The following BICDL1 variants were observed in gnomAD, a reference collection of about 807,000 sequenced individuals.
BICDL1 encodes the protein BICD family like cargo adaptor 1.
A neutral mutation model predicts 76.8 loss-of-function variants in BICDL1; 20 were observed. That is an observed-to-expected ratio of 0.26 (90% CI 0.18 to 0.38). The LOEUF is 0.38. Among genes scored for constraint, BICDL1 ranks in the 10% least tolerant of loss-of-function variants. BICDL1 has a pLI of 1.00. For synonymous variants in BICDL1, 383 were observed against 337.1 expected, an observed-to-expected ratio of 1.14 and a Z score of -1.49; for missense variants, 700 against 798.6, an observed-to-expected ratio of 0.88 and a Z score of 1.49.
intron 2 of BICDL1, among the ~76,000 whole-genome samples, chr12:120,048,987 G>A (rs1952802181): frequency 6.6e-6 from 1 of 152,034 alleles, no homozygotes; most frequent in Non-Finnish European, 1.5e-5. Flanking sequence ...GGCATTTCTT[G>A]GCCAGGTACT....
intron 2 of BICDL1, among the ~76,000 whole-genome samples, chr12:120,002,743 A>G (rs1471753990): frequency 6.6e-6 from 1 of 152,228 alleles, no homozygotes; most frequent in East Asian, 1.9e-4. Context: ...TTATGAAGCT[A>G]GTAGGAGAAG....
At chr12:120,041,744 C>G (rs910714547) in intron 2 of BICDL1, among the ~76,000 whole-genome samples, 7 of 151,992 alleles carry the variant, frequency 4.6e-5, no homozygotes, top group Non-Finnish European at 5.9e-5. Context: ...ATGTTCCAGG[C>G]AGAGGGGAAT....
intron 3 of BICDL1, among the ~76,000 whole-genome samples, chr12:120,062,382 G>A (rs1953124454): frequency 6.6e-6 from 1 of 152,140 alleles, no homozygotes; most frequent in East Asian, 1.9e-4. Flanking sequence ...GAACCTGGTT[G>A]TGGAAGGTGA....
intron 3 of BICDL1, 79 bp downstream of exon 3, chr12:120,061,905 G>A (rs561073338): frequency 3.3e-6 from 3 of 911,858 alleles, no homozygotes; most frequent in Non-Finnish European, 5.3e-6. Context: ...TATGTAAAAG[G>A]GCCTAAAATC....
At chr12:120,030,509 G>A (rs1952400366) in intron 2 of BICDL1, among the ~76,000 whole-genome samples, 1 of 152,178 alleles carries the variant, frequency 6.6e-6, no homozygotes, top group African/African-American at 2.4e-5. Flanking sequence ...ACAAAAAAAT[G>A]TGCATTTCCG....
chr12:120,037,158 GGTAGGTGCTCAGTAATC>G (rs1465386608), intron 2 of BICDL1, among the ~76,000 whole-genome samples: 1 of 152,162 alleles, frequency 6.6e-6, no homozygotes, highest in Non-Finnish European at 1.5e-5. Context: ...TCTTGCCTGT[GGTAGGTGCTCAGTAATC>G]GTATGTTGAA....
intron 2 of BICDL1, among the ~76,000 whole-genome samples, chr12:120,053,280 C>T (rs1416769096): frequency 6.6e-6 from 1 of 152,128 alleles, no homozygotes; most frequent in Non-Finnish European, 1.5e-5. Flanking sequence ...GACAGGGTTT[C>T]TGCATATTGA....
intron 7 of BICDL1, among the ~76,000 whole-genome samples, chr12:120,080,001 G>C (rs1253919465): frequency 6.6e-6 from 1 of 152,210 alleles, no homozygotes; most frequent in East Asian, 1.9e-4. Context: ...ACACAACCAG[G>C]AGTGCCCCCA....
At position 120,093,334 on chromosome 12, in the gene BICDL1, G is replaced by A; in HGVS notation, c.*173G>A. 1.3e-6 allele frequency: 1 copy of A among 752,190 alleles called. No individual in the cohort carries two copies. Among genetic ancestry groups the A allele is most frequent in the Non-Finnish European group, 2.1e-6 (1 of 477,370 alleles). 46.6% of individuals were successfully genotyped at this position (752,190 alleles called of 1,614,324 possible). On this transcript the variant is annotated 3_prime_UTR_variant, in exon 10 of 10. Transcript: ENST00000548673. ...TCGTCGGTGGGGATGGAGACCTAGAGGTGGGGGCCTGCCTTGGCCACTGAA... is the reference window on the plus strand; with the variant it reads ...TCGTCGGTGGGGATGGAGACCTAGAAGTGGGGGCCTGCCTTGGCCACTGAA...
chr12:120,044,149 T>C (rs1374140002), intron 2 of BICDL1, among the ~76,000 whole-genome samples: 1 of 152,192 alleles, frequency 6.6e-6, no homozygotes, highest in African/African-American at 2.4e-5. Flanking sequence ...CTGTGATTAA[T>C]AGTCTTGTTT....
intron 2 of BICDL1, among the ~76,000 whole-genome samples, chr12:120,003,274 T>C (rs1471231939): frequency 2.6e-5 from 4 of 152,172 alleles, no homozygotes; most frequent in Non-Finnish European, 2.9e-5. Context: ...CAGCATTCTT[T>C]GATGAATACT....
At chr12:120,072,363 G>C in intron 5 of BICDL1, 148 bp from the exon 6 acceptor site, 1 of 671,500 alleles carries the variant, frequency 1.5e-6, no homozygotes, top group Non-Finnish European at 2.5e-6. Context: ...TGGGACAAAT[G>C]AGTTAAAAAA....
intron 2 of BICDL1, among the ~76,000 whole-genome samples, chr12:120,006,927 AG>A (rs1216352543): frequency 1.3e-5 from 2 of 151,274 alleles, no homozygotes; most frequent in African/African-American, 2.4e-5. Context: ...CTGAGGGTGG[AG>A]GGATAGAGAT....
In BICDL1 at chr12:119,989,788, C is replaced by T. The variant is rs1348225353; in HGVS notation, c.-81C>T. 2 of 574,832 alleles carry T rather than the reference C, an allele frequency of 3.5e-6. No individual in the cohort carries two copies. The highest frequency in any genetic ancestry group is 1.5e-4 in the East Asian group (1 of 6,858). 35.6% of individuals were successfully genotyped at this position (574,832 alleles called of 1,614,324 possible). ...GCGAGGCGAGGCGCGGGACGCGGGGCGGCGCGGCAGGGCCCCTCCCCCCTG... is the reference window on the plus strand; with the variant it reads ...GCGAGGCGAGGCGCGGGACGCGGGGTGGCGCGGCAGGGCCCCTCCCCCCTG... On this transcript the variant is annotated 5_prime_UTR_variant, in exon 1 of 10. Coordinates refer to ENST00000548673, the MANE Select transcript of BICDL1 (RefSeq NM_001367886.1).
chr12:120,042,919 C>CT (rs2138816114), intron 2 of BICDL1, among the ~76,000 whole-genome samples: 1 of 151,984 alleles, frequency 6.6e-6, no homozygotes, highest in East Asian at 1.9e-4. Context: ...AGCCTGGTGT[C>CT]TATTTTTCTG....
At chr12:120,049,648 T>G (rs1356806321) in intron 2 of BICDL1, among the ~76,000 whole-genome samples, 1 of 152,206 alleles carries the variant, frequency 6.6e-6, no homozygotes, top group African/African-American at 2.4e-5. Flanking sequence ...GTTAGGAGAT[T>G]ATCAGCCATT....
intron 8 of BICDL1, among the ~76,000 whole-genome samples, chr12:120,081,938 A>G (rs1196681199): frequency 5.9e-5 from 9 of 151,264 alleles, no homozygotes; most frequent in Non-Finnish European, 1.2e-4. Flanking sequence ...AAAAAAAAAA[A>G]AAACACAATA....
chr12:120,074,723 C>A, intron 7 of BICDL1, 137 bp downstream of exon 7: 2 of 708,140 alleles, frequency 2.8e-6, no homozygotes, highest in Non-Finnish European at 3.5e-6. Context: ...GAATGGTGAC[C>A]TGAAGTTGAG....
At chr12:120,047,021 C>A (rs1952763119) in intron 2 of BICDL1, among the ~76,000 whole-genome samples, 1 of 152,128 alleles carries the variant, frequency 6.6e-6, no homozygotes, top group South Asian at 2.1e-4. Flanking sequence ...AGTTGCTGGT[C>A]TTTGATGCTG....
Sources: allele counts gnomAD v4.1 joint callset (sites outside exome capture counted in the v4.1 genomes callset), GRCh38; gene constraint gnomAD v4.1.1; transcripts MANE v1.5; gene names NCBI Gene and HGNC (gene_info 2026-07-23, HGNC 2026-07-21).